Variants in AP4B1 observed in about 807,000 individuals in gnomAD.
AP4B1 encodes AP-4 complex subunit beta-1.
In AP4B1, 49 loss-of-function variants were observed where a neutral mutation model predicts 76.5. The ratio of observed to expected loss-of-function variants is 0.64; its 90% CI spans 0.51 to 0.81. The LOEUF (loss-of-function observed/expected upper bound fraction) is 0.81. Among genes scored for constraint, AP4B1 ranks in the 40% least tolerant of loss-of-function variants. The probability of loss-of-function intolerance (pLI) is 0.00; values close to 1 mark genes in which losing one functional copy is unlikely to be tolerated. For missense variants in AP4B1, 911 were observed against 904.9 expected, an observed-to-expected ratio of 1.01 and a Z score of -0.09; for synonymous variants, 330 against 333.3, an observed-to-expected ratio of 0.99 and a Z score of 0.11.
rs1470989838 is a variant in AP4B1, at chr1:113,904,661, A to C, written c.57T>G (p.Asn19Lys). 1 of 1,613,182 alleles carries C rather than the reference A, an allele frequency of 6.2e-7. No individual in the cohort carries two copies. Among genetic ancestry groups the C allele is most frequent in the African/African-American group, 1.3e-5 (1 of 74,878 alleles). ...VVKELKKALC[N>K]PHIQADRLRY... ...GCAGCCTATCAGCTTGAATGTGAGG[A>C]TTGCACAGAGCCTTCTTCAGCTCCT... Residue 19 changes from asparagine (N) to lysine (K), a missense_variant, in exon 1 of 10, where the codon AAT becomes AAG. Coordinates refer to ENST00000369569, the MANE Select transcript of AP4B1 (RefSeq NM_001253852.3).
chr1:113,896,469 G>A lies in AP4B1; in HGVS notation c.1303-4C>T. ...GCCAAATAAGTGCTTGCTTCCCCTAGAGAATAAAGGAATAAGAGCAAGTGC... is the reference window on the plus strand; with the variant it reads ...GCCAAATAAGTGCTTGCTTCCCCTAAAGAATAAAGGAATAAGAGCAAGTGC... On this transcript the variant is annotated splice_region_variant and splice_polypyrimidine_tract_variant and intron_variant, in intron 7 of 9. Transcript: ENST00000369569. 4 of 1,613,852 alleles carry A rather than the reference G, an allele frequency of 2.5e-6. No homozygotes were observed. Among genetic ancestry groups the A allele is most frequent in the Non-Finnish European group, 3.4e-6 (4 of 1,179,712 alleles).
At chr1:113,901,907 T>C (rs779462364) in intron 2 of AP4B1, 22 bp from the exon 3 acceptor site, 1 of 1,613,934 alleles carries the variant, frequency 6.2e-7, no homozygotes, top group African/African-American at 1.3e-5. Context: ...ATCCTGGAGT[T>C]AGCCAGATTC....
At position 113,895,961 on chromosome 1, in the gene AP4B1, TA is replaced by T; in HGVS notation, c.1587del (p.Lys530SerfsTer24). Reference protein sequence around the residue: ...YRLLLVGIDEVKRILCSPKSD... With the variant: ...YRLLLVGIDEXKRILCSPKSD... ...GATTTAGGGCTACACAGAATCCGCT[TA>T]ACTTCATCAATGCCAACTAAGAGGA... On this transcript the variant is annotated frameshift_variant, in exon 9 of 10. Transcript: ENST00000369569. LOFTEE classifies it high-confidence loss of function. 3 of 1,614,194 alleles carry T rather than the reference TA, an allele frequency of 1.9e-6. No individual in the cohort carries two copies. The South Asian group carries it at 3.3e-5, about 18-fold the overall frequency.
At chr1:113,899,101 G>A (rs922024478) in intron 5 of AP4B1, 4 of 1,210,744 alleles carry the variant, frequency 3.3e-6, no homozygotes, top group Non-Finnish European at 4.1e-6. Context: ...CCAGATATGA[G>A]GTACCCTTTT....
At chr1:113,899,306 G>A in intron 5 of AP4B1, 1 of 1,017,078 alleles carries the variant, frequency 9.8e-7, no homozygotes, top group Non-Finnish European at 1.2e-6. Flanking sequence ...TTCAGTTTTT[G>A]AGTCACTCCA....
chr1:113,899,132 G>A, intron 5 of AP4B1: 1 of 1,137,730 alleles, frequency 8.8e-7, no homozygotes, highest in Non-Finnish European at 1.1e-6. Flanking sequence ...CACCTGCAAT[G>A]GAGTATTTTT....
intron 4 of AP4B1, chr1:113,901,001 G>A: frequency 5.8e-6 from 3 of 517,498 alleles, no homozygotes; most frequent in East Asian, 3.8e-5. Flanking sequence ...CAGCTACTCG[G>A]GAGGCTGAGG....
chr1:113,896,688 G>A, intron 7 of AP4B1: 4 of 596,848 alleles, frequency 6.7e-6, no homozygotes, highest in Non-Finnish European at 1.2e-5. Flanking sequence ...CATAGCCTAT[G>A]TTGGATTAAG....
In AP4B1 at chr1:113,899,916, T is replaced by C. The variant is rs754266625; in HGVS notation, c.1102A>G (p.Ile368Val). 2 of 1,614,188 alleles carry C rather than the reference T, an allele frequency of 1.2e-6. No individual in the cohort carries two copies. The highest frequency in any genetic ancestry group is 1.7e-5 in the Admixed American group (1 of 60,026). The part of the protein sequence containing the change: ...DVSADFAQAA[I>V]FAIGGIARTY... Reference sequence around the variant, plus strand: ...AGCAGACACCTACCTATGGCAAAGATGGCAGCCTGTGCAAAGTCCGCAGAC... The same window carrying C: ...AGCAGACACCTACCTATGGCAAAGACGGCAGCCTGTGCAAAGTCCGCAGAC... Residue 368 changes from isoleucine to valine, a missense_variant, in exon 5 of 10, where the codon ATC becomes GTC. Ile to Val is a conservative substitution (Grantham distance 29, BLOSUM62 3). Coordinates refer to ENST00000369569, the MANE Select transcript of AP4B1 (RefSeq NM_001253852.3).
In AP4B1 at chr1:113,894,292, A is replaced by T. The variant is rs1367994626; in HGVS notation, c.*773T>A. On this transcript the variant is annotated 3_prime_UTR_variant, in exon 10 of 10. Coordinates refer to ENST00000369569, the MANE Select transcript of AP4B1 (RefSeq NM_001253852.3). ...AAGAACAGAATAAAAATTGAGGACAAGCAACAAGAAAACAATTACAATACT... is the reference window on the plus strand; with the variant it reads ...AAGAACAGAATAAAAATTGAGGACATGCAACAAGAAAACAATTACAATACT... 6.6e-6 allele frequency among the ~76,000 whole-genome samples: 1 copy of T among 152,264 alleles called. No individual in the cohort carries two copies. Among genetic ancestry groups the T allele is most frequent in the East Asian group, 1.9e-4 (1 of 5,206 alleles).
At position 113,902,825 on chromosome 1, in the gene AP4B1, T is replaced by A. The variant is rs183034705; in HGVS notation, c.151A>T (p.Met51Leu). Reference protein sequence around the residue: ...TQGLDMSGVFMEMVKASATVD... With the variant: ...TQGLDMSGVFLEMVKASATVD... The stretch of plus-strand genomic sequence containing the variant: ...GTGGCACTGGCCTTCACCATTTCCA[T>A]AAAAACACCAGACATGTCCAAGCCT... The change falls in exon 2 of 10, where the codon ATG (methionine) becomes TTG (leucine). Residue 51 changes from methionine to leucine, a missense_variant. Coordinates refer to ENST00000369569, the MANE Select transcript of AP4B1 (RefSeq NM_001253852.3). The A allele has an allele frequency of 6.2e-7, 1 of 1,614,008 alleles. No homozygotes were observed. Among genetic ancestry groups the A allele is most frequent in the South Asian group, 1.1e-5 (1 of 91,090 alleles).
In AP4B1 at chr1:113,900,040, G is replaced by A. The variant is rs1448849372; in HGVS notation, c.978C>T (p.His326=). 1 of 1,614,086 alleles carries A rather than the reference G, an allele frequency of 6.2e-7. No homozygotes were observed. Among genetic ancestry groups the A allele is most frequent in the East Asian group, 2.2e-5 (1 of 44,900 alleles). Residue 326 remains histidine, a synonymous_variant, in exon 5 of 10, where the codon CAC becomes CAT. Transcript: ENST00000369569. Reference sequence around the variant, plus strand: ...CCTCCACTTTCTGTAGTTTGATGTAGTGGGGCTCCGAGTAGGAGCAAAAAA... The same window carrying A: ...CCTCCACTTTCTGTAGTTTGATGTAATGGGGCTCCGAGTAGGAGCAAAAAA... ...KKFFCSYSEP[H]YIKLQKVEVL...
At position 113,896,350 on chromosome 1, in the gene AP4B1, T is replaced by C; in HGVS notation, c.1418A>G (p.Lys473Arg). The C allele has an allele frequency of 1.2e-6, 2 of 1,614,230 alleles. No homozygotes were observed. Among genetic ancestry groups the C allele is most frequent in the Non-Finnish European group, 1.7e-6 (2 of 1,180,052 alleles). Residue 473 changes from lysine (K) to arginine (R), a missense_variant, in exon 8 of 10, where the codon AAG becomes AGG. Coordinates refer to ENST00000369569, the MANE Select transcript of AP4B1 (RefSeq NM_001253852.3). ...NVKSETFPAV[K>R]MELLTALLRL... ...CAGCAAAGCAGTGAGCAGCTCCATC[T>C]TAACAGCTGGAAATGTTTCCGACTT...
In AP4B1 at chr1:113,896,305, G is replaced by T. The variant is rs149272848; in HGVS notation, c.1463C>A (p.Pro488His). 9.9e-6 allele frequency: 16 copies of T among 1,614,202 alleles called. No homozygotes were observed. Among genetic ancestry groups the T allele is most frequent in the Middle Eastern group, 1.6e-4 (1 of 6,062 alleles). The part of the protein sequence containing the change: ...TALLRLFLSR[P>H]AECQDMLGRL... ...TCCTAGCATGTCCTGGCACTCAGCAGGTCGGGAGAGGAAAAGGCGCAGCAA... is the reference window on the plus strand; with the variant it reads ...TCCTAGCATGTCCTGGCACTCAGCATGTCGGGAGAGGAAAAGGCGCAGCAA... Residue 488 changes from proline (P) to histidine (H), a missense_variant, in exon 8 of 10, where the codon CCT (proline) becomes CAT (histidine). Physicochemically the swap from Pro to His is moderately conservative, Grantham distance 77. Coordinates refer to ENST00000369569, the MANE Select transcript of AP4B1 (RefSeq NM_001253852.3).
intron 6 of AP4B1, among the ~76,000 whole-genome samples, chr1:113,898,410 C>T (rs1192798814): frequency 3.3e-5 from 5 of 152,142 alleles, no homozygotes; most frequent in Non-Finnish European, 5.9e-5. Context: ...CTTGTCCCAA[C>T]CCTGGAAGCC....
At position 113,901,400 on chromosome 1, in the gene AP4B1, A is replaced by C; in HGVS notation, c.470-17T>G. 1 of 1,612,368 alleles carries C rather than the reference A, an allele frequency of 6.2e-7. No homozygotes were observed. ...GGGCACCATCTATAAAAAAGAACAA[A>C]GTTCTTAGATAAAGAAGGAAAGCTT... On this transcript the variant is annotated splice_polypyrimidine_tract_variant and intron_variant, in intron 3 of 9. Coordinates refer to ENST00000369569, the MANE Select transcript of AP4B1 (RefSeq NM_001253852.3).
At chr1:113,902,994 T>C (rs1489327886) in intron 1 of AP4B1, 132 bp from the exon 2 acceptor site, 7 of 762,912 alleles carry the variant, frequency 9.2e-6, no homozygotes, top group Non-Finnish European at 1.6e-5. Context: ...CAGGATTACC[T>C]TGTCTATTAT....
At chr1:113,898,539 G>T (rs900492270) in intron 6 of AP4B1, among the ~76,000 whole-genome samples, 179 bp downstream of exon 6, 3 of 152,200 alleles carry the variant, frequency 2.0e-5, no homozygotes, top group Non-Finnish European at 4.4e-5. Context: ...ATGGCAGCCT[G>T]AAGACTCAAT....
rs1444677069 is a variant in AP4B1, at chr1:113,902,876, A to G, written c.114-14T>C. On this transcript the variant is annotated splice_polypyrimidine_tract_variant and intron_variant, in intron 1 of 9. Coordinates refer to ENST00000369569, the MANE Select transcript of AP4B1 (RefSeq NM_001253852.3). ...TGAGTCATGTACCTGAACAACGCACATGACAGAAGGAAGTAAAATGCAAAA... is the reference window on the plus strand; with the variant it reads ...TGAGTCATGTACCTGAACAACGCACGTGACAGAAGGAAGTAAAATGCAAAA... 6 of 1,613,132 alleles carry G rather than the reference A, an allele frequency of 3.7e-6. No individual in the cohort carries two copies. In the African/African-American group the frequency reaches 6.7e-5, roughly 18 times the overall value.
Sources: allele counts gnomAD v4.1 joint callset (sites outside exome capture counted in the v4.1 genomes callset), GRCh38; gene constraint gnomAD v4.1.1; transcripts MANE v1.5; gene names NCBI Gene and HGNC (gene_info 2026-07-23, HGNC 2026-07-21).